AGMO: variants seen among roughly 807,000 people sequenced by gnomAD.
The protein encoded by AGMO is alkylglycerol monooxygenase.
In AGMO, 75 loss-of-function variants were observed where a neutral mutation model predicts 60.2. That is an observed-to-expected ratio of 1.25 (90% confidence interval 1.03 to 1.51). The LOEUF (loss-of-function observed/expected upper bound fraction) is 1.51, where lower values mean the gene tolerates loss of function less well. AGMO is among the 40% of genes most tolerant of loss of function. The pLI is 0.00. For synonymous variants in AGMO, 261 were observed against 177.1 expected, an observed-to-expected ratio of 1.47 and a Z score of -3.76; for missense variants, 763 against 525.5, an observed-to-expected ratio of 1.45 and a Z score of -4.42.
intron 12 of AGMO, among the ~76,000 whole-genome samples, chr7:15,233,478 C>T (rs183759736): frequency 3.3e-5 from 5 of 151,888 alleles, no homozygotes; most frequent in Admixed American, 1.3e-4. Flanking sequence ...AAAATGATGT[C>T]AGAGAGTAGA....
intron 12 of AGMO, among the ~76,000 whole-genome samples, chr7:15,357,420 T>C (rs12666872): frequency 1.4e-5 from 2 of 146,862 alleles, no homozygotes; most frequent in East Asian, 3.9e-4. Flanking sequence ...ACCCAAGTAA[T>C]AAATAAAACC....
At chr7:15,155,231 A>G in the AGMO span, among the ~76,000 whole-genome samples, 1 of 152,034 alleles carries the variant, frequency 6.6e-6, no homozygotes, top group Non-Finnish European at 1.5e-5. Context: ...TTTCAGGAAT[A>G]CCAATGAGTC....
the AGMO span, among the ~76,000 whole-genome samples, chr7:15,184,392 A>C: frequency 4.0e-5 from 3 of 75,494 alleles, no homozygotes; most frequent in African/African-American, 2.0e-4. Flanking sequence ...AGGAAAGAAG[A>C]GAGGGAGGAA....
chr7:15,368,776 GAAA>G (rs1783086296), intron 10 of AGMO, among the ~76,000 whole-genome samples: 1 of 152,086 alleles, frequency 6.6e-6, no homozygotes. Flanking sequence ...ACTCACAGAT[GAAA>G]TAAGTACATG....
chr7:15,215,843 A>C (rs1016585235), intron 12 of AGMO, among the ~76,000 whole-genome samples: 1 of 152,034 alleles, frequency 6.6e-6, no homozygotes, highest in South Asian at 2.1e-4. Context: ...TATTATGACA[A>C]TCAGTTTTTC....
intron 12 of AGMO, among the ~76,000 whole-genome samples, chr7:15,252,826 A>G (rs144350689): frequency 6.6e-6 from 1 of 152,362 alleles, no homozygotes; most frequent in Non-Finnish European, 1.5e-5. Flanking sequence ...AATCAGTAAC[A>G]GATACTGAAA....
intron 12 of AGMO, among the ~76,000 whole-genome samples, chr7:15,210,870 A>G (rs1482568748): frequency 6.6e-6 from 1 of 152,134 alleles, no homozygotes; most frequent in Non-Finnish European, 1.5e-5. Flanking sequence ...TAAAAGCAGC[A>G]GAGAAAATAT....
intron 12 of AGMO, among the ~76,000 whole-genome samples, chr7:15,364,604 G>A (rs1354618240): frequency 1.3e-5 from 2 of 152,044 alleles, no homozygotes; most frequent in Non-Finnish European, 2.9e-5. Context: ...CGATTCGCGT[G>A]TGTGAGTATA....
At chr7:15,329,074 T>C (rs972754737) in intron 12 of AGMO, among the ~76,000 whole-genome samples, 1 of 152,138 alleles carries the variant, frequency 6.6e-6, no homozygotes, top group Non-Finnish European at 1.5e-5. Flanking sequence ...TCAAAAGTGC[T>C]TATCCTTTCC....
intron 12 of AGMO, among the ~76,000 whole-genome samples, chr7:15,298,270 T>G (rs1784460223): frequency 6.6e-6 from 1 of 152,212 alleles, no homozygotes; most frequent in South Asian, 2.1e-4. Flanking sequence ...TTTAGCTATA[T>G]CGTCTACTAA....
chr7:15,544,509 T>C (rs760029155), intron 3 of AGMO, among the ~76,000 whole-genome samples: 1 of 152,114 alleles, frequency 6.6e-6, no homozygotes, highest in Non-Finnish European at 1.5e-5. Context: ...AAAAATACAA[T>C]GCTATAGCCA....
chr7:15,383,714 A>G (rs1039199403), intron 10 of AGMO, among the ~76,000 whole-genome samples: 2 of 152,176 alleles, frequency 1.3e-5, no homozygotes, highest in African/African-American at 2.4e-5. Flanking sequence ...ATGCCTATCA[A>G]TAATACACAT....
In AGMO at chr7:15,560,231, A is replaced by G. The variant is rs1331666823; in HGVS notation, c.167T>C (p.Val56Ala). 3 of 1,612,922 alleles carry G rather than the reference A, an allele frequency of 1.9e-6. No individual in the cohort carries two copies. The highest frequency in any genetic ancestry group is 2.5e-6 in the Non-Finnish European group (3 of 1,179,254). The change falls in exon 2 of 13, where the codon GTT (valine) becomes GCT (alanine). Residue 56 changes from valine to alanine, a missense_variant. Val to Ala is a moderately conservative substitution (Grantham distance 64). Coordinates refer to ENST00000342526, the MANE Select transcript of AGMO (RefSeq NM_001004320.2). ...CTTTCCTTTGAGAATCCAGCTGACA[A>G]CAAGTTCAAGCAGCATCAAAGAAAT... ...FFISLMLLEL[V>A]VSWILKGKPP...
intron 12 of AGMO, among the ~76,000 whole-genome samples, chr7:15,318,281 G>A (rs1170757802): frequency 1.3e-5 from 2 of 152,008 alleles, no homozygotes. Context: ...TGGAATTACA[G>A]GCGAGAATCA....
intron 3 of AGMO, among the ~76,000 whole-genome samples, chr7:15,535,882 G>A (rs1168867673): frequency 6.6e-6 from 1 of 151,734 alleles, no homozygotes; most frequent in African/African-American, 2.4e-5. Flanking sequence ...ATACAAGGTA[G>A]GGCAGCAACT....
intron 12 of AGMO, among the ~76,000 whole-genome samples, chr7:15,214,182 C>G (rs1023774126): frequency 2.0e-5 from 3 of 151,846 alleles, no homozygotes; most frequent in Non-Finnish European, 4.4e-5. Context: ...AACAAATCCA[C>G]GGGGAATTTG....
chr7:15,262,213 T>C (rs569228274), intron 12 of AGMO, among the ~76,000 whole-genome samples: 2 of 152,164 alleles, frequency 1.3e-5, no homozygotes, highest in Admixed American at 6.5e-5. Flanking sequence ...GCTGATGTGA[T>C]TGTATACTTA....
chr7:15,460,086 A>G (rs1211031779), intron 3 of AGMO, among the ~76,000 whole-genome samples: 1 of 149,504 alleles, frequency 6.7e-6, no homozygotes, highest in African/African-American at 2.5e-5. Context: ...GTTTCAAAGT[A>G]ATTATTTACC....
downstream of AGMO, among the ~76,000 whole-genome samples, chr7:15,195,793 T>A (rs1054852736): frequency 6.6e-6 from 1 of 152,194 alleles, no homozygotes; most frequent in Non-Finnish European, 1.5e-5. Context: ...TTCCTTATCC[T>A]CATAATCTGC....
Sources: allele counts gnomAD v4.1 joint callset (sites outside exome capture counted in the v4.1 genomes callset), GRCh38; gene constraint gnomAD v4.1.1; transcripts MANE v1.5; gene names NCBI Gene and HGNC (gene_info 2026-07-23, HGNC 2026-07-21).